The following ZBTB40 variants were observed in gnomAD, a reference collection of about 807,000 sequenced individuals.
ZBTB40 encodes zinc finger and BTB domain-containing protein 40.
Under a neutral mutation model 117.5 loss-of-function variants are expected in ZBTB40, and 60 were observed. The observed-to-expected ratio is 0.51, with a 90% CI of 0.41 to 0.63. The LOEUF (loss-of-function observed/expected upper bound fraction) is 0.63. ZBTB40 is among the 30% of genes least tolerant of loss of function. The pLI is 0.00. For synonymous variants in ZBTB40, 525 were observed against 577.1 expected (o/e 0.91, Z 1.29); for missense variants, 1,287 against 1,498.5 (o/e 0.86, Z 2.33).
chr1:22,446,829 G>A (rs931061638), intron 1 of ZBTB40, among the ~76,000 whole-genome samples: 3 of 152,134 alleles, frequency 2.0e-5, no homozygotes, highest in Non-Finnish European at 1.5e-5. Context: ...GAGGCTGGTC[G>A]CGGTGGCTCA....
At chr1:22,525,882 G>A (rs1477944250) in intron 17 of ZBTB40, among the ~76,000 whole-genome samples, 1 of 152,224 alleles carries the variant, frequency 6.6e-6, no homozygotes, top group Non-Finnish European at 1.5e-5. Flanking sequence ...CACCTCTGCA[G>A]TGTCATCCCA....
chr1:22,456,470 G>T (rs1375429969), intron 1 of ZBTB40, among the ~76,000 whole-genome samples: 1 of 152,196 alleles, frequency 6.6e-6, no homozygotes, highest in Non-Finnish European at 1.5e-5. Context: ...TGAATCCTTT[G>T]AAGTTGCCTG....
intron 13 of ZBTB40, chr1:22,519,728 C>A (rs1261256102): frequency 8.2e-6 from 3 of 367,008 alleles, no homozygotes; most frequent in Admixed American, 3.9e-5. Flanking sequence ...CCACTGCAAA[C>A]CGGACGAGCC....
rs1638629153 is a variant in ZBTB40 at position 22,491,437 on chromosome 1, A to G, written c.735A>G (p.Leu245=). The change falls in exon 3 of 18, where the codon CTA becomes CTG. Residue 245 remains leucine (L), a synonymous_variant. Transcript: ENST00000375647. ...ERKHYQLNFL[L]ENEGVFSDAL... is the part of the protein sequence containing the mutation. The stretch of plus-strand genomic sequence containing the variant: ...AACACTACCAGCTGAATTTTCTTCT[A>G]GAAAATGAAGGTGTCTTCTCAGATG... 1.2e-6 allele frequency: 2 copies of G among 1,613,946 alleles called. No homozygotes were observed. The highest frequency in any genetic ancestry group is 1.7e-6 in the Non-Finnish European group (2 of 1,179,960).
Position 22,470,159 on chromosome 1 carries a change from A to G in ZBTB40, c.-70+18155A>G, listed in dbSNP as rs375691015. On this transcript the variant is annotated intron_variant, in intron 1 of 17. Coordinates refer to ENST00000375647, the MANE Select transcript of ZBTB40 (RefSeq NM_014870.4). ...TTCTGGCCCTGCTGTTGCCTGTTAT[A>G]GATTTATGACTTGAGCAGGTCACTT... is the stretch of plus-strand genomic sequence containing the variant. Among the ~76,000 whole-genome samples the G allele has an allele frequency of 7.2e-5, 11 of 152,314 alleles. No homozygotes were observed. In the East Asian group the frequency reaches 1.7e-3, roughly 24 times the overall value.
Position 22,485,355 on chromosome 1 carries a change from G to A in ZBTB40, c.-69-4525G>A, listed in dbSNP as rs372836324. On this transcript the variant is annotated intron_variant, in intron 1 of 17. Coordinates refer to ENST00000375647, the MANE Select transcript of ZBTB40 (RefSeq NM_014870.4). ...GCCTATTCAGATAGTCTATTGCTGC[G>A]TGTGTGAGTTTTGACAGATTGCATC... Among the ~76,000 whole-genome samples, 151 of 152,254 alleles carry A rather than the reference G, an allele frequency of 9.9e-4. 1 individual carries two copies. Among genetic ancestry groups the A allele is most frequent in the African/African-American group, 1.4e-3 (59 of 41,548 alleles).
chr1:22,516,982 G>T (rs1569880446), intron 12 of ZBTB40, among the ~76,000 whole-genome samples: 1 of 152,192 alleles, frequency 6.6e-6, no homozygotes, highest in Non-Finnish European at 1.5e-5. Flanking sequence ...GCACAGGGAT[G>T]TATCTGGTTG....
intron 12 of ZBTB40, among the ~76,000 whole-genome samples, chr1:22,516,509 A>G (rs1291976542): frequency 6.6e-6 from 1 of 152,168 alleles, no homozygotes; most frequent in Non-Finnish European, 1.5e-5. Flanking sequence ...ACTAAGCCCC[A>G]GGCTCCTCAA....
At chr1:22,494,401 A>T (rs909464166) in intron 3 of ZBTB40, among the ~76,000 whole-genome samples, 1 of 152,250 alleles carries the variant, frequency 6.6e-6, no homozygotes, top group South Asian at 2.1e-4. Context: ...CGTAGCAATC[A>T]GTCTCTAGCA....
chr1:22,491,437 A>C lies in ZBTB40; in HGVS notation c.735A>C (p.Leu245=). The part of the protein sequence containing the change: ...ERKHYQLNFL[L]ENEGVFSDAL... Reference sequence around the variant, plus strand: ...AACACTACCAGCTGAATTTTCTTCTAGAAAATGAAGGTGTCTTCTCAGATG... The same window carrying C: ...AACACTACCAGCTGAATTTTCTTCTCGAAAATGAAGGTGTCTTCTCAGATG... Residue 245 remains leucine, a synonymous_variant, in exon 3 of 18, where the codon CTA becomes CTC. Coordinates refer to ENST00000375647, the MANE Select transcript of ZBTB40 (RefSeq NM_014870.4). 1 of 1,614,064 alleles carries C rather than the reference A, an allele frequency of 6.2e-7. No homozygotes were observed. The highest frequency in any genetic ancestry group is 1.1e-5 in the South Asian group (1 of 91,084).
intron 1 of ZBTB40, among the ~76,000 whole-genome samples, chr1:22,443,756 G>T (rs1640759157): frequency 6.6e-6 from 1 of 152,166 alleles, no homozygotes; most frequent in Non-Finnish European, 1.5e-5. Context: ...AATATATTTT[G>T]GGGTAAAATA....
intron 1 of ZBTB40, among the ~76,000 whole-genome samples, chr1:22,461,920 G>A (rs1641143111): frequency 6.6e-6 from 1 of 152,148 alleles, no homozygotes; most frequent in Non-Finnish European, 1.5e-5. Context: ...TGATAGGGCT[G>A]GGACACAGCC....
rs762865061 is a variant in ZBTB40 at position 22,513,062 on chromosome 1, A to G, written c.2600A>G (p.Lys867Arg). Residue 867 changes from lysine to arginine, a missense_variant, in exon 12 of 18, where the codon AAG becomes AGG. Transcript: ENST00000375647. This position sits in a 1 kb window ranked among gnomAD's most constrained non-coding sequence, Gnocchi z 4.9. ...LHTGDRPFMCKHCLMTFTQAS... is the reference protein window; with the variant it reads ...LHTGDRPFMCRHCLMTFTQAS... ...ACCGGGGACCGCCCGTTCATGTGCA[A>G]GCACTGCCTCATGACCTTCACCCAG... 1.9e-6 allele frequency: 3 copies of G among 1,614,174 alleles called. No homozygotes were observed. The highest frequency in any genetic ancestry group is 2.5e-6 in the Non-Finnish European group (3 of 1,180,036).
intron 1 of ZBTB40, among the ~76,000 whole-genome samples, chr1:22,465,036 A>G (rs1193306664): frequency 6.6e-6 from 1 of 152,200 alleles, no homozygotes; most frequent in Non-Finnish European, 1.5e-5. Context: ...GCATCCAGGT[A>G]TGCAGACAAG....
At chr1:22,438,549 G>C (rs1454096640) in intron 1 of ZBTB40, among the ~76,000 whole-genome samples, 1 of 152,178 alleles carries the variant, frequency 6.6e-6, no homozygotes. Context: ...AAGTGGAATT[G>C]CTGGATCATA....
Position 22,517,311 on chromosome 1 carries a change from G to A in ZBTB40, c.2680G>A (p.Ala894Thr). 6.2e-7 allele frequency: 1 copy of A among 1,614,138 alleles called. No homozygotes were observed. Among genetic ancestry groups the A allele is most frequent in the South Asian group, 1.1e-5 (1 of 91,082 alleles). The part of the protein sequence containing the change: ...KKKHSEGKMY[A>T]CQYCDAVFAQ... ...CTGTGTATTTGCAGGGAAAATGTATGCATGCCAGTACTGTGATGCTGTGTT... is the reference window on the plus strand; with the variant it reads ...CTGTGTATTTGCAGGGAAAATGTATACATGCCAGTACTGTGATGCTGTGTT... Residue 894 changes from alanine (A) to threonine (T), a missense_variant, in exon 13 of 18, where the codon GCA becomes ACA. Transcript: ENST00000375647.
chr1:22,434,202 C>T (rs1272355624), intron 1 of ZBTB40, among the ~76,000 whole-genome samples: 1 of 152,118 alleles, frequency 6.6e-6, no homozygotes, highest in Non-Finnish European at 1.5e-5. Flanking sequence ...ATGAATTAAT[C>T]GAGCATCTTT....
intron 1 of ZBTB40, among the ~76,000 whole-genome samples, chr1:22,466,769 G>A (rs1035747267): frequency 1.5e-4 from 23 of 150,526 alleles, no homozygotes; most frequent in Middle Eastern, 3.4e-3. Flanking sequence ...TAAGAGTTCC[G>A]GATACTAGAT....
upstream of ZBTB40, among the ~76,000 whole-genome samples, chr1:22,449,460 T>C (rs945229445): frequency 3.3e-5 from 5 of 152,200 alleles, no homozygotes; most frequent in Admixed American, 3.3e-4. Flanking sequence ...GCCAGAGCCA[T>C]TGCTCTCCAT....
Sources: gnomAD v4.1 joint callset for allele counts (sites outside exome capture counted in the v4.1 genomes callset) on GRCh38, gnomAD v4.1.1 for gene constraint, Gnocchi (gnomAD v3.1) non-coding constraint, MANE v1.5 for transcripts, NCBI Gene and HGNC (gene_info 2026-07-23, HGNC 2026-07-21) for gene names.